RERE: variants seen among roughly 807,000 people sequenced by gnomAD.
RERE encodes arginine-glutamic acid dipeptide repeats.
RERE carries 40 observed loss-of-function variants against 146.1 expected under a neutral mutation model. The ratio of observed to expected loss-of-function variants is 0.27; its 90% CI spans 0.21 to 0.36. The LOEUF (loss-of-function observed/expected upper bound fraction) is 0.36, where lower values mean the gene tolerates loss of function less well. Among genes scored for constraint, RERE ranks in the 10% least tolerant of loss-of-function variants. The pLI is 1.00. For synonymous variants in RERE, 1,003 were observed against 866.0 expected (o/e 1.16, Z -2.78); for missense variants, 1,933 against 2,138.7 (o/e 0.90, Z 1.90).
At chr1:8,366,917 A>AC (rs1641824135) in intron 12 of RERE, among the ~76,000 whole-genome samples, 6 of 3,290 alleles carry the variant, frequency 1.8e-3, no homozygotes, top group East Asian at 6.0e-3. Context: ...AAAAAAAAAC[A>AC]AAAAAAAAAA....
chr1:8,562,600 C>T (rs946823990), intron 4 of RERE, among the ~76,000 whole-genome samples: 27 of 152,236 alleles, frequency 1.8e-4, no homozygotes, highest in African/African-American at 5.1e-4. Context: ...GTGATCCTCC[C>T]GCCTCAGCCT....
intron 8 of RERE, among the ~76,000 whole-genome samples, chr1:8,508,049 T>A (rs1645280807): frequency 6.6e-6 from 1 of 152,202 alleles, no homozygotes; most frequent in African/African-American, 2.4e-5. Flanking sequence ...TTAAAAATGT[T>A]TTAAATAAAA....
chr1:8,536,254 G>T (rs1373281741), intron 7 of RERE, among the ~76,000 whole-genome samples: 1 of 152,108 alleles, frequency 6.6e-6, no homozygotes, highest in East Asian at 1.9e-4. Flanking sequence ...TCTTACTGAT[G>T]GAGAAACAGA....
At chr1:8,573,904 C>A (rs762520025) in intron 4 of RERE, among the ~76,000 whole-genome samples, 1 of 152,176 alleles carries the variant, frequency 6.6e-6, no homozygotes, top group African/African-American at 2.4e-5. Flanking sequence ...CTCCTGGGCT[C>A]AAGCTCTCCT....
chr1:8,595,036 G>A (rs531926003), intron 4 of RERE, among the ~76,000 whole-genome samples: 2 of 151,974 alleles, frequency 1.3e-5, no homozygotes, highest in East Asian at 3.9e-4. Context: ...GCATGTGCTT[G>A]TGTGGTCCCA....
chr1:8,566,811 G>A (rs1256983430), intron 4 of RERE, among the ~76,000 whole-genome samples: 1 of 143,246 alleles, frequency 7.0e-6, no homozygotes, highest in Non-Finnish European at 1.5e-5. Flanking sequence ...TTTTTTTTGA[G>A]ACGGAGTCTC....
At chr1:8,754,575 G>A (rs1248610156) in intron 1 of RERE, among the ~76,000 whole-genome samples, 1 of 152,162 alleles carries the variant, frequency 6.6e-6, no homozygotes, top group East Asian at 1.9e-4. Flanking sequence ...GATCTACAAG[G>A]TCTGCCATCT....
chr1:8,689,148 G>A (rs1639154076), intron 1 of RERE, among the ~76,000 whole-genome samples: 1 of 151,914 alleles, frequency 6.6e-6, no homozygotes, highest in Non-Finnish European at 1.5e-5. Flanking sequence ...ATGGAAAATG[G>A]AGCAAATTAA....
At chr1:8,694,824 C>A (rs981001032) in intron 1 of RERE, among the ~76,000 whole-genome samples, 1 of 151,880 alleles carries the variant, frequency 6.6e-6, no homozygotes, top group African/African-American at 2.4e-5. Flanking sequence ...TTGGAAGAAT[C>A]ATTAAAATGA....
chr1:8,618,302 A>G (rs1646880118), intron 3 of RERE, among the ~76,000 whole-genome samples: 1 of 152,204 alleles, frequency 6.6e-6, no homozygotes, highest in Admixed American at 6.5e-5. Flanking sequence ...CCAACTTCAC[A>G]GGTAACTAAA....
At chr1:8,366,081 G>T in intron 12 of RERE, 107 bp from the exon 13 acceptor site, 2 of 1,184,026 alleles carry the variant, frequency 1.7e-6, no homozygotes, top group South Asian at 1.5e-5. Flanking sequence ...CTGTGCCAGA[G>T]ATGAGAATAA....
chr1:8,391,984 G>A (rs868053480), intron 12 of RERE, among the ~76,000 whole-genome samples: 1 of 152,142 alleles, frequency 6.6e-6, no homozygotes, highest in Non-Finnish European at 1.5e-5. Flanking sequence ...CCAAGATCGC[G>A]CTATTGCACT....
chr1:8,482,016 TA>T (rs1213835268), intron 10 of RERE, among the ~76,000 whole-genome samples: 1 of 152,012 alleles, frequency 6.6e-6, no homozygotes, highest in Non-Finnish European at 1.5e-5. Flanking sequence ...TGGTAATATA[TA>T]AAAATGGCTA....
intron 12 of RERE, among the ~76,000 whole-genome samples, chr1:8,407,182 G>A (rs933491846): frequency 6.6e-6 from 1 of 152,226 alleles, no homozygotes; most frequent in Admixed American, 6.5e-5. Flanking sequence ...ACCTTGAAAT[G>A]ATACAGCTGT....
At chr1:8,588,701 C>T (rs1292142062) in intron 4 of RERE, among the ~76,000 whole-genome samples, 2 of 152,190 alleles carry the variant, frequency 1.3e-5, no homozygotes, top group Non-Finnish European at 2.9e-5. Context: ...TACTTTTGAT[C>T]ATGAACTTAT....
chr1:8,457,013 T>G (rs951639358), intron 11 of RERE, among the ~76,000 whole-genome samples: 1 of 152,228 alleles, frequency 6.6e-6, no homozygotes, highest in Non-Finnish European at 1.5e-5. Context: ...GGCAGAGAAT[T>G]TTGTCTGTTT....
At chr1:8,411,990 A>G (rs1181836205) in intron 12 of RERE, among the ~76,000 whole-genome samples, 2 of 152,204 alleles carry the variant, frequency 1.3e-5, no homozygotes, top group Non-Finnish European at 2.9e-5. Context: ...ACATAATTCA[A>G]TGTGTGTCAT....
At chr1:8,375,908 A>G (rs1642230143) in intron 12 of RERE, among the ~76,000 whole-genome samples, 1 of 152,266 alleles carries the variant, frequency 6.6e-6, no homozygotes, top group African/African-American at 2.4e-5. Context: ...ATATCTTTTT[A>G]TATCTTAATA....
chr1:8,514,182 A>G lies in RERE; in HGVS notation c.831-5507T>C, dbSNP rs1219430766. Among the ~76,000 whole-genome samples the G allele has an allele frequency of 2.0e-5, 3 of 152,260 alleles. No individual in the cohort carries two copies. In the South Asian group the frequency reaches 6.2e-4, roughly 31 times the overall value. On this transcript the variant is annotated intron_variant, in intron 7 of 22. Transcript: ENST00000400908. Reference sequence around the variant, plus strand: ...AATCTTAGCCTTGTCAAATAGTATCAGTGTTTTCCTTGAAATAACAAGCTC... The same window carrying G: ...AATCTTAGCCTTGTCAAATAGTATCGGTGTTTTCCTTGAAATAACAAGCTC...
Sources: allele counts gnomAD v4.1 joint callset (sites outside exome capture counted in the v4.1 genomes callset), GRCh38; gene constraint gnomAD v4.1.1; transcripts MANE v1.5; gene names NCBI Gene and HGNC (gene_info 2026-07-23, HGNC 2026-07-21).